XG: variants seen among roughly 807,000 people sequenced by gnomAD.
The protein encoded by XG is Xg glycoprotein (Xg blood group), also known as glycoprotein Xg.
XG carries 24 observed loss-of-function variants against 25.7 expected under a neutral mutation model. The observed-to-expected ratio is 0.93, with a 90% CI of 0.68 to 1.31. The LOEUF (loss-of-function observed/expected upper bound fraction) is 1.31. Among genes scored for constraint, XG ranks in the 40% most tolerant of loss-of-function variants. XG has a pLI of 0.00. For missense variants in XG, 181 were observed against 187.6 expected (o/e 0.96, Z 0.21); for synonymous variants, 77 against 69.2 (o/e 1.11, Z -0.56).
In XG at chrX:2,816,198, G is replaced by A. The variant is rs769809678; in HGVS notation, c.*1818G>A. On this transcript the variant is annotated 3_prime_UTR_variant, in exon 11 of 11. Coordinates refer to ENST00000644266, the MANE Select transcript of XG (RefSeq NM_001141919.2). Reference sequence around the variant, plus strand: ...GCTTGGGGGAACCTCTCTTTGAGGGGTCATGAGGACCACCTGCTGGGCATT... The same window carrying A: ...GCTTGGGGGAACCTCTCTTTGAGGGATCATGAGGACCACCTGCTGGGCATT... 3 of 112,438 alleles carry A rather than the reference G, an allele frequency of 2.7e-5. No homozygotes were observed. Among genetic ancestry groups the A allele is most frequent in the Non-Finnish European group, 3.8e-5 (2 of 53,299 alleles). 9.3% of individuals were successfully genotyped at this position (112,438 alleles called of 1,213,427 possible).
intron 5 of XG, among the ~76,000 whole-genome samples, chrX:2,792,545 T>TTGTGTGTGTGTG (rs146747084): frequency 3.3e-4 from 33 of 99,777 alleles, no homozygotes; most frequent in African/African-American, 1.0e-3. Flanking sequence ...TTCTTTTTCT[T>TTGTGTGTGTGTG]TGTGTGTGTG....
At chrX:2,759,439 G>T (rs1386286760) in intron 1 of XG, among the ~76,000 whole-genome samples, 1 of 151,998 alleles carries the variant, frequency 6.6e-6, no homozygotes, top group African/African-American at 2.4e-5. Context: ...AGTATAGGAG[G>T]TACGGTATAG....
rs186998558 is a variant in XG at position 2,774,907 on chromosome X, A to G, written c.127+168A>G. The G allele has an allele frequency of 7.2e-6, 6 of 828,904 alleles. No homozygotes were observed. The South Asian group carries it at 7.7e-5, about 11-fold the overall frequency. 51.3% of individuals were successfully genotyped at this position (828,904 alleles called of 1,614,324 possible). On this transcript the variant is annotated intron_variant, in intron 3 of 10. Transcript: ENST00000644266. ...AAAATGTGGTGATTAGGGAAATGCA[A>G]ATCACAACCACAGTGAAGCACCACT...
chrX:2,811,596 T>G (rs749571904), intron 10 of XG, 144 bp downstream of exon 10: 44 of 449,128 alleles, frequency 9.8e-5, no homozygotes, highest in Non-Finnish European at 1.6e-4. Flanking sequence ...TTTTTTAAAA[T>G]TTATTTTTAT....
intron 7 of XG, among the ~76,000 whole-genome samples, chrX:2,804,859 C>T (rs1272223001): frequency 8.9e-6 from 1 of 112,028 alleles, no homozygotes; most frequent in Non-Finnish European, 1.9e-5. Flanking sequence ...AGCAGGTAGC[C>T]CTGTGGTCCT....
rs1328529652 is a variant in XG, at chrX:2,789,648, C to T, written c.195C>T (p.Ile65=). 2 of 1,166,150 alleles carry T rather than the reference C, an allele frequency of 1.7e-6. No homozygotes were observed. Among genetic ancestry groups the T allele is most frequent in the East Asian group, 6.3e-5 (2 of 31,508 alleles). ...CATACTGTTGTTTTCCAACAGATATCTACCCAAGGCCAAAGCCACGCCCTC... is the reference window on the plus strand; with the variant it reads ...CATACTGTTGTTTTCCAACAGATATTTACCCAAGGCCAAAGCCACGCCCTC... The part of the protein sequence containing the change: ...QPENPDSGGN[I]YPRPKPRPQP... Residue 65 remains isoleucine (I), a synonymous_variant, in exon 5 of 11, where the codon ATC becomes ATT. Coordinates refer to ENST00000644266, the MANE Select transcript of XG (RefSeq NM_001141919.2).
At chrX:2,780,577 A>G (rs1049170436) in intron 3 of XG, among the ~76,000 whole-genome samples, 6 of 151,950 alleles carry the variant, frequency 3.9e-5, no homozygotes, top group Non-Finnish European at 7.4e-5. Context: ...AAAATACAAA[A>G]GTTAGCTGGG....
intron 5 of XG, among the ~76,000 whole-genome samples, chrX:2,792,571 A>ATG (rs2086847873): frequency 1.6e-5 from 1 of 61,042 alleles, no homozygotes; most frequent in African/African-American, 6.2e-5. Context: ...GTGTGTGTGT[A>ATG]TGTGTGTGTG....
At chrX:2,775,041 C>T in intron 3 of XG, 1 of 395,478 alleles carries the variant, frequency 2.5e-6, no homozygotes. Flanking sequence ...TAAAATGGTA[C>T]AGCCACTGTG....
At chrX:2,797,458 A>G (rs1220601109) in intron 7 of XG, 98 bp downstream of exon 7, 1 of 963,462 alleles carries the variant, frequency 1.0e-6, no homozygotes, top group African/African-American at 1.9e-5. Flanking sequence ...TTCTACCTGG[A>G]GTCTTTGGTG....
At chrX:2,803,911 C>T (rs12858510) in intron 7 of XG, among the ~76,000 whole-genome samples, 2 of 109,572 alleles carry the variant, frequency 1.8e-5, no homozygotes, top group African/African-American at 6.7e-5. Context: ...GGTGTGATCT[C>T]GGCTCACTGC....
intron 6 of XG, among the ~76,000 whole-genome samples, chrX:2,795,103 A>G (rs1445789244): frequency 9.2e-6 from 1 of 108,389 alleles, no homozygotes; most frequent in Non-Finnish European, 1.9e-5. Flanking sequence ...GTACGTGGAT[A>G]CCTTTCTCTG....
Position 2,789,443 on chromosome X carries a change from G to A in XG, c.191-201G>A, listed in dbSNP as rs373629344. ...TTTCAGAGAGCCCTGGACTTCTTGC[G>A]AAAGCACCAGTGGTGTAAGTTTTTG... On this transcript the variant is annotated intron_variant, in intron 4 of 10. Coordinates refer to ENST00000644266, the MANE Select transcript of XG (RefSeq NM_001141919.2). Among the ~76,000 whole-genome samples, 29 of 97,420 alleles carry A rather than the reference G, an allele frequency of 3.0e-4. No individual in the cohort carries two copies. In the East Asian group the frequency reaches 7.5e-3, roughly 25 times the overall value. 84.6% of individuals were successfully genotyped at this position (97,420 alleles called of 115,157 possible).
At chrX:2,810,610 C>T (rs1215248310) in intron 9 of XG, among the ~76,000 whole-genome samples, 1 of 110,970 alleles carries the variant, frequency 9.0e-6, no homozygotes, top group African/African-American at 3.3e-5. Flanking sequence ...CATAGTGAGA[C>T]CCCATCTCTA....
At chrX:2,765,148 C>T (rs190121664) in intron 1 of XG, among the ~76,000 whole-genome samples, 29 of 150,058 alleles carry the variant, frequency 1.9e-4, no homozygotes, top group African/African-American at 6.9e-4. Flanking sequence ...GAGTTTGAGA[C>T]CAGCCTGGCC....
At chrX:2,783,703 G>T (rs962889269) in intron 4 of XG, among the ~76,000 whole-genome samples, 17 of 112,841 alleles carry the variant, frequency 1.5e-4, no homozygotes, top group Admixed American at 1.5e-3. Context: ...GGCCGGGCGT[G>T]GGGGCTCACG....
At chrX:2,759,757 T>C (rs1475147221) in intron 1 of XG, among the ~76,000 whole-genome samples, 4 of 152,198 alleles carry the variant, frequency 2.6e-5, no homozygotes, top group Non-Finnish European at 5.9e-5. Flanking sequence ...CTCTTTCTCA[T>C]TGGCACACAG....
rs183112932 is a variant in XG, at chrX:2,768,850, C to G, written c.62-1700C>G. 1.7e-4 allele frequency among the ~76,000 whole-genome samples: 26 copies of G among 152,292 alleles called. No homozygotes were observed. The East Asian group carries it at 4.6e-3, about 27-fold the overall frequency. ...TGGAGCAAAGATTTGCTGGGTTGTTCTTAAAGGCGAGCCTGTAGTGATCGC... is the reference window on the plus strand; with the variant it reads ...TGGAGCAAAGATTTGCTGGGTTGTTGTTAAAGGCGAGCCTGTAGTGATCGC... On this transcript the variant is annotated intron_variant, in intron 1 of 10. Coordinates refer to ENST00000644266, the MANE Select transcript of XG (RefSeq NM_001141919.2).
intron 4 of XG, among the ~76,000 whole-genome samples, chrX:2,782,649 G>T (rs1368362512): frequency 1.8e-5 from 2 of 111,075 alleles, no homozygotes; most frequent in Non-Finnish European, 1.9e-5. Flanking sequence ...GGCGGACCTG[G>T]TTGAGCCAGA....
Sources: gnomAD v4.1 joint callset for allele counts (sites outside exome capture counted in the v4.1 genomes callset) on GRCh38, gnomAD v4.1.1 for gene constraint, MANE v1.5 for transcripts, NCBI Gene and HGNC (gene_info 2026-07-23, HGNC 2026-07-21) for gene names.